The following CHODL variants were observed in gnomAD, a reference collection of about 807,000 sequenced individuals.
The protein encoded by CHODL is chondrolectin.
CHODL carries 29 observed loss-of-function variants against 34.5 expected under a neutral mutation model. The observed-to-expected ratio is 0.84, with a 90% CI of 0.63 to 1.15. The LOEUF is 1.15. Among genes scored for constraint, CHODL ranks in the 50% most tolerant of loss-of-function variants. The pLI, the probability that CHODL is intolerant of heterozygous loss-of-function variation, is 0.00. For synonymous variants in CHODL, 125 were observed against 116.1 expected, an observed-to-expected ratio of 1.08 and a Z score of -0.49; for missense variants, 332 against 332.5, an observed-to-expected ratio of 1.00 and a Z score of 0.01.
At chr21:18,114,514 G>A (rs1224640667) in intron 2 of CHODL, among the ~76,000 whole-genome samples, 1 of 152,008 alleles carries the variant, frequency 6.6e-6, no homozygotes, top group African/African-American at 2.4e-5. Flanking sequence ...GTGCAATGGT[G>A]CGATCTTGGC....
chr21:17,972,623 C>T (rs2063624629), intron 1 of CHODL, among the ~76,000 whole-genome samples: 1 of 152,172 alleles, frequency 6.6e-6, no homozygotes, highest in African/African-American at 2.4e-5. Flanking sequence ...CTACAAACCA[C>T]TGCTCAAGGA....
At chr21:18,086,453 G>C (rs2065008701) in intron 2 of CHODL, among the ~76,000 whole-genome samples, 1 of 151,964 alleles carries the variant, frequency 6.6e-6, no homozygotes, top group South Asian at 2.1e-4. Context: ...TTCTTCCATT[G>C]ATATCTGTGC....
intron 2 of CHODL, among the ~76,000 whole-genome samples, chr21:18,061,703 C>CGTG (rs1338330845): frequency 2.0e-5 from 3 of 152,108 alleles, no homozygotes; most frequent in Non-Finnish European, 4.4e-5. Flanking sequence ...TCCACAATTT[C>CGTG]GTGGTGGTGG....
rs1360410609 is a variant in CHODL, at chr21:18,081,586, C to T, written c.-45+53615C>T. 2.0e-5 allele frequency among the ~76,000 whole-genome samples: 3 copies of T among 151,356 alleles called. No homozygotes were observed. In the East Asian group the frequency reaches 5.9e-4, roughly 30 times the overall value. ...ATCCCAGCTGCTTGGGAGGCTGAGG[C>T]AAGAGAATCGCTTGAACCCAGGAGG... On this transcript the variant is annotated intron_variant, in intron 2 of 6. Coordinates refer to the CHODL transcript ENST00000400127.
Position 18,251,566 on chromosome 21 carries a change from AT to A in CHODL, c.80-4940del, listed in dbSNP as rs1195038000. 5.5e-4 allele frequency among the ~76,000 whole-genome samples: 48 copies of A among 87,462 alleles called. 3 individuals are homozygous for A. Among genetic ancestry groups the A allele is most frequent in the African/African-American group, 1.9e-3 (43 of 22,924 alleles). 57.4% of individuals were successfully genotyped at this position (87,462 alleles called of 152,430 possible). On this transcript the variant is annotated intron_variant, in intron 1 of 5. Coordinates refer to ENST00000299295, the MANE Select transcript of CHODL (RefSeq NM_024944.3). ...TAATATATAAATATTTATTTTATTT[AT>A]TTATTTTAATATATAAAATATTTAT...
intron 1 of CHODL, among the ~76,000 whole-genome samples, chr21:17,952,877 C>T (rs1036136392): frequency 5.3e-5 from 8 of 151,960 alleles, no homozygotes; most frequent in South Asian, 2.1e-4. Flanking sequence ...TGGCGGAAGG[C>T]GAAAGGGAAG....
chr21:18,166,748 T>C (rs1366720512), intron 2 of CHODL, among the ~76,000 whole-genome samples: 1 of 152,142 alleles, frequency 6.6e-6, no homozygotes, highest in African/African-American at 2.4e-5. Context: ...ACTGAATTCT[T>C]TTGTACTATA....
chr21:17,952,351 A>G (rs113004162), intron 1 of CHODL, among the ~76,000 whole-genome samples: 1 of 152,304 alleles, frequency 6.6e-6, no homozygotes, highest in East Asian at 1.9e-4. Flanking sequence ...TCAGAAAAAT[A>G]AGACACTTTA....
At chr21:18,118,036 G>C (rs1279612386) in intron 2 of CHODL, among the ~76,000 whole-genome samples, 1 of 152,198 alleles carries the variant, frequency 6.6e-6, no homozygotes, top group Non-Finnish European at 1.5e-5. Context: ...GAGCAGATCT[G>C]TGATCAAGTA....
At chr21:17,988,345 T>C (rs1470897574) in intron 1 of CHODL, among the ~76,000 whole-genome samples, 2 of 151,886 alleles carry the variant, frequency 1.3e-5, no homozygotes. Flanking sequence ...CTAACTGGTT[T>C]ATTGGTTATT....
chr21:18,141,613 C>T lies in CHODL; in HGVS notation c.-45+113642C>T, dbSNP rs1280913851. Among the ~76,000 whole-genome samples the T allele has an allele frequency of 3.3e-5, 5 of 151,250 alleles. No individual in the cohort carries two copies. In the South Asian group the frequency reaches 1.0e-3, roughly 31 times the overall value. On this transcript the variant is annotated intron_variant, in intron 2 of 6. Coordinates refer to the CHODL transcript ENST00000400127. ...TGCTATACACATGACACTTCCCTAGCGGCATTTGGAAATGCCTAGAGAAGT... is the reference window on the plus strand; with the variant it reads ...TGCTATACACATGACACTTCCCTAGTGGCATTTGGAAATGCCTAGAGAAGT...
At chr21:18,034,888 A>G (rs1372258196) in intron 2 of CHODL, among the ~76,000 whole-genome samples, 1 of 151,980 alleles carries the variant, frequency 6.6e-6, no homozygotes, top group Non-Finnish European at 1.5e-5. Flanking sequence ...CAGGCTCGCC[A>G]CTTGTTAAGG....
chr21:18,166,344 ATTAAC>A (rs1274888199), intron 2 of CHODL, among the ~76,000 whole-genome samples: 1 of 152,122 alleles, frequency 6.6e-6, no homozygotes, highest in African/African-American at 2.4e-5. Context: ...CTTCCTTTTG[ATTAAC>A]TTAAAATCAA....
rs569226709 is a variant in CHODL at position 18,091,355 on chromosome 21, C to T, written c.-45+63384C>T. Among the ~76,000 whole-genome samples, 19 of 152,274 alleles carry T rather than the reference C, an allele frequency of 1.2e-4. No individual in the cohort carries two copies. The South Asian group carries it at 2.7e-3, about 22-fold the overall frequency. The stretch of plus-strand genomic sequence containing the variant: ...TTAGAGCCAGTGAACTAAGGTGGCA[C>T]GTGACCTAGGGAGACTCCAGTAGGT... On this transcript the variant is annotated intron_variant, in intron 2 of 6. Coordinates refer to the CHODL transcript ENST00000400127.
intron 2 of CHODL, among the ~76,000 whole-genome samples, chr21:18,193,492 G>C (rs2073537731): frequency 6.6e-6 from 1 of 151,752 alleles, no homozygotes; most frequent in African/African-American, 2.4e-5. Context: ...TCAGGAGTTT[G>C]AGACCATCCT....
At chr21:18,077,584 G>A (rs2064881511) in intron 2 of CHODL, among the ~76,000 whole-genome samples, 1 of 152,128 alleles carries the variant, frequency 6.6e-6, no homozygotes, top group African/African-American at 2.4e-5. Flanking sequence ...GAAGTAATTA[G>A]GTCATGGGGA....
intron 2 of CHODL, among the ~76,000 whole-genome samples, chr21:18,102,900 G>A (rs961899758): frequency 1.3e-5 from 2 of 152,048 alleles, no homozygotes; most frequent in African/African-American, 4.8e-5. Flanking sequence ...TAATTTCCTT[G>A]GCATAAATTT....
At chr21:17,982,819 T>G (rs2063724660) in intron 1 of CHODL, among the ~76,000 whole-genome samples, 1 of 149,106 alleles carries the variant, frequency 6.7e-6, no homozygotes, top group Admixed American at 6.8e-5. Context: ...GTGATTCTCC[T>G]GCCTCCTCAG....
chr21:17,948,091 C>T (rs571080344), intron 1 of CHODL, among the ~76,000 whole-genome samples: 1 of 152,018 alleles, frequency 6.6e-6, no homozygotes, highest in African/African-American at 2.4e-5. Flanking sequence ...TAAGTAGTAG[C>T]TAAATAAGGG....
Sources: allele counts gnomAD v4.1 joint callset (sites outside exome capture counted in the v4.1 genomes callset), GRCh38; gene constraint gnomAD v4.1.1; transcripts MANE v1.5; gene names NCBI Gene and HGNC (gene_info 2026-07-23, HGNC 2026-07-21).